Variants in RBFOX1 observed in about 807,000 individuals in gnomAD.
The protein encoded by RBFOX1 is RNA binding fox-1 homolog 1.
RBFOX1 carries 8 observed loss-of-function variants against 57.7 expected under a neutral mutation model. The ratio of observed to expected loss-of-function variants is 0.14; its 90% CI spans 0.08 to 0.25. The LOEUF is 0.25. Ranked by LOEUF, RBFOX1 falls within the 10% of genes least tolerant of loss-of-function variation. RBFOX1 has a pLI of 1.00. For synonymous variants in RBFOX1, 326 were observed against 222.4 expected (o/e 1.47, Z -4.15); for missense variants, 611 against 548.5 (o/e 1.11, Z -1.14).
chr16:7,326,947 G>A (rs2096619525), intron 4 of RBFOX1, among the ~76,000 whole-genome samples: 2 of 152,076 alleles, frequency 1.3e-5, no homozygotes, highest in South Asian at 4.2e-4. Flanking sequence ...ATTTGCTAGT[G>A]GACATTTTAG....
At chr16:7,292,490 T>C (rs1375570531) in intron 4 of RBFOX1, among the ~76,000 whole-genome samples, 1 of 137,612 alleles carries the variant, frequency 7.3e-6, no homozygotes, top group Admixed American at 7.9e-5. Flanking sequence ...ATATAATATG[T>C]ATTATGTATT....
At position 6,284,468 on chromosome 16, in the gene RBFOX1, G is replaced by A. The variant is rs7196564; in HGVS notation, c.-126-32527G>A. 3.9e-3 allele frequency among the ~76,000 whole-genome samples: 598 copies of A among 152,286 alleles called. 2 individuals carry two copies. The highest frequency in any genetic ancestry group is 6.8e-3 in the Middle Eastern group (2 of 294). The stretch of plus-strand genomic sequence containing the variant: ...TTCACAACCAGTGTTGAGGACAGCA[G>A]CCTGCAGAACTGCAGGTGGGTGGGC... On this transcript the variant is annotated intron_variant, in intron 1 of 15. Coordinates refer to ENST00000550418, the MANE Select transcript of RBFOX1 (RefSeq NM_018723.4).
chr16:6,869,985 G>C (rs1257239928), intron 3 of RBFOX1, among the ~76,000 whole-genome samples: 1 of 152,104 alleles, frequency 6.6e-6, no homozygotes, highest in East Asian at 1.9e-4. Context: ...AGGGATCAAA[G>C]GTAACATTTT....
At chr16:5,373,242 T>C (rs556728882) in intron 1 of RBFOX1, among the ~76,000 whole-genome samples, 1 of 152,220 alleles carries the variant, frequency 6.6e-6, no homozygotes, top group African/African-American at 2.4e-5. Flanking sequence ...GTCGGAAAGA[T>C]ATGGACCCCA....
At chr16:5,933,942 C>T (rs555429737) in intron 4 of RBFOX1, among the ~76,000 whole-genome samples, 8 of 152,234 alleles carry the variant, frequency 5.3e-5, no homozygotes, top group Middle Eastern at 3.4e-3. Context: ...CCTCTCCCTC[C>T]TCCCACCCTC....
intron 1 of RBFOX1, among the ~76,000 whole-genome samples, chr16:6,024,896 G>C (rs1316435634): frequency 5.3e-5 from 8 of 152,218 alleles, no homozygotes; most frequent in African/African-American, 7.2e-5. Flanking sequence ...CAGATACCTT[G>C]TCCTAAAAGA....
chr16:6,816,649 A>C lies in RBFOX1; in HGVS notation c.-16+161999A>C, dbSNP rs575379846. ...CAGCTGCTTGGGAGGCTGAGGCAGG[A>C]GAATGGCGTGAACCCGGGAGGTGGA... On this transcript the variant is annotated intron_variant, in intron 3 of 15. Transcript: ENST00000550418. Among the ~76,000 whole-genome samples the C allele has an allele frequency of 5.3e-5, 8 of 151,244 alleles. No individual in the cohort carries two copies. In the East Asian group the frequency reaches 1.6e-3, roughly 30 times the overall value.
intron 1 of RBFOX1, among the ~76,000 whole-genome samples, chr16:6,249,004 G>T (rs962779499): frequency 1.3e-5 from 2 of 152,132 alleles, no homozygotes; most frequent in Admixed American, 6.6e-5. Context: ...TCCATGAGCC[G>T]TATGTTCATA....
At chr16:6,398,153 G>C (rs1484315626) in intron 2 of RBFOX1, among the ~76,000 whole-genome samples, 1 of 152,114 alleles carries the variant, frequency 6.6e-6, no homozygotes, top group Non-Finnish European at 1.5e-5. Flanking sequence ...AAAACCATCA[G>C]ATCTCATGAG....
intron 2 of RBFOX1, among the ~76,000 whole-genome samples, chr16:6,371,509 C>T (rs1409712713): frequency 6.6e-6 from 1 of 152,116 alleles, no homozygotes; most frequent in East Asian, 1.9e-4. Context: ...AAGCTGGCTC[C>T]TGTATCATTT....
At chr16:6,887,326 A>G (rs1390739682) in intron 3 of RBFOX1, among the ~76,000 whole-genome samples, 1 of 152,236 alleles carries the variant, frequency 6.6e-6, no homozygotes, top group Non-Finnish European at 1.5e-5. Flanking sequence ...GTGGGACAGG[A>G]TGGCATTGAG....
At chr16:6,872,957 G>T (rs1052334437) in intron 3 of RBFOX1, among the ~76,000 whole-genome samples, 1 of 152,036 alleles carries the variant, frequency 6.6e-6, no homozygotes, top group African/African-American at 2.4e-5. Context: ...TTCCCCGGCC[G>T]CAGCTGGTCT....
intron 3 of RBFOX1, among the ~76,000 whole-genome samples, chr16:7,020,345 C>A (rs973145624): frequency 6.6e-6 from 1 of 152,028 alleles, no homozygotes; most frequent in African/African-American, 2.4e-5. Context: ...CCTGCCTCAG[C>A]CTACGGAGTA....
At chr16:7,386,780 C>A (rs953119428) in intron 4 of RBFOX1, among the ~76,000 whole-genome samples, 1 of 152,094 alleles carries the variant, frequency 6.6e-6, no homozygotes, top group Non-Finnish European at 1.5e-5. Flanking sequence ...ATTTCTAGTT[C>A]TATATCCTTG....
intron 14 of RBFOX1, among the ~76,000 whole-genome samples, chr16:7,687,643 T>C (rs1483622197): frequency 6.6e-6 from 1 of 152,098 alleles, no homozygotes; most frequent in Non-Finnish European, 1.5e-5. Flanking sequence ...CTGATTATTG[T>C]GACTTTCCAC....
chr16:5,259,261 G>A (rs1413544735), intron 1 of RBFOX1, among the ~76,000 whole-genome samples: 1 of 151,976 alleles, frequency 6.6e-6, no homozygotes, highest in Non-Finnish European at 1.5e-5. Context: ...ATGTGTGTGT[G>A]GGTGCTTATT....
In RBFOX1 at chr16:6,098,797, C is replaced by A. The variant is rs146592726; in HGVS notation, c.-127+78805C>A. Reference sequence around the variant, plus strand: ...GTTCCTCAGGGGACTCTGAGACACACCCATCCCGGAAAATTCCTAAGTGGA... The same window carrying A: ...GTTCCTCAGGGGACTCTGAGACACAACCATCCCGGAAAATTCCTAAGTGGA... On this transcript the variant is annotated intron_variant, in intron 1 of 15. Transcript: ENST00000550418. 4.8e-3 allele frequency among the ~76,000 whole-genome samples: 727 copies of A among 152,286 alleles called. 2 individuals carry two copies. The highest frequency in any genetic ancestry group is 9.3e-3 in the Admixed American group (142 of 15,296).
At chr16:5,516,590 C>A (rs80050875) in intron 2 of RBFOX1, among the ~76,000 whole-genome samples, 2,036 of 152,138 alleles carry the variant, frequency 0.013, 59 homozygotes, top group African/African-American at 0.047. Flanking sequence ...TATAGTAGGC[C>A]CTCAATAAAT....
intron 3 of RBFOX1, among the ~76,000 whole-genome samples, chr16:6,688,812 G>T (rs554713402): frequency 3.2e-4 from 48 of 152,138 alleles, no homozygotes; most frequent in African/African-American, 1.2e-3. Context: ...GACAGGCCCT[G>T]GTGTGTGATG....
Sources: allele counts gnomAD v4.1 joint callset (sites outside exome capture counted in the v4.1 genomes callset), GRCh38; gene constraint gnomAD v4.1.1; transcripts MANE v1.5; gene names NCBI Gene and HGNC (gene_info 2026-07-23, HGNC 2026-07-21).